Variants in HMCN1 observed in about 807,000 individuals in gnomAD.
HMCN1 encodes hemicentin 1.
In HMCN1, 321 loss-of-function variants were observed where a neutral mutation model predicts 625.9. The ratio of observed to expected loss-of-function variants is 0.51; its 90% CI spans 0.47 to 0.56. The LOEUF (loss-of-function observed/expected upper bound fraction) is 0.56, where lower values mean the gene tolerates loss of function less well. HMCN1 is among the 20% of genes least tolerant of loss of function. The pLI is 0.00. For missense variants in HMCN1, 6,588 were observed against 6,887.3 expected (o/e 0.96, Z 1.54); for synonymous variants, 2,425 against 2,417.6 (o/e 1.00, Z -0.09).
chr1:186,127,843 A>G (rs1190317187), intron 82 of HMCN1, among the ~76,000 whole-genome samples: 1 of 152,174 alleles, frequency 6.6e-6, no homozygotes, highest in Non-Finnish European at 1.5e-5. Flanking sequence ...GTTTTCTGAA[A>G]TCTTACCACT....
chr1:186,174,713 G>T, intron 103 of HMCN1, 71 bp downstream of exon 103: 1 of 1,406,614 alleles, frequency 7.1e-7, no homozygotes, highest in East Asian at 2.3e-5. Flanking sequence ...ACTCGCTTAG[G>T]GCCACTTTCT....
chr1:185,965,981 T>A, intron 14 of HMCN1, 66 bp downstream of exon 14: 1 of 1,029,280 alleles, frequency 9.7e-7, no homozygotes, highest in South Asian at 1.3e-5. Context: ...AAAAAATGAT[T>A]TGTTAAAACT....
At chr1:185,782,134 T>G (rs971852144) in intron 1 of HMCN1, among the ~76,000 whole-genome samples, 15 of 152,340 alleles carry the variant, frequency 9.8e-5, no homozygotes, top group African/African-American at 3.6e-4. Flanking sequence ...CTTTGTTGGT[T>G]TAAAGTCTGT....
chr1:186,172,242 T>C lies in HMCN1; in HGVS notation c.15814+111T>C. Reference sequence around the variant, plus strand: ...GTAAATTTAAGCTAACAAGGAAATCTTTCTTTTTCCATAAGTACTCCCAAC... The same window carrying C: ...GTAAATTTAAGCTAACAAGGAAATCCTTCTTTTTCCATAAGTACTCCCAAC... On this transcript the variant is annotated intron_variant, in intron 102 of 106. Coordinates refer to ENST00000271588, the MANE Select transcript of HMCN1 (RefSeq NM_031935.3). 4.8e-6 allele frequency: 7 copies of C among 1,464,626 alleles called. No individual in the cohort carries two copies. The South Asian group carries it at 6.9e-5, about 14-fold the overall frequency. 90.7% of individuals were successfully genotyped at this position (1,464,626 alleles called of 1,614,324 possible).
intron 80 of HMCN1, among the ~76,000 whole-genome samples, chr1:186,122,726 C>T (rs181660120): frequency 1.4e-3 from 211 of 152,232 alleles, no homozygotes; most frequent in Non-Finnish European, 2.2e-3. Flanking sequence ...CATTTAAAAT[C>T]GACTATCACT....
At chr1:186,058,098 C>G (rs752248392) in intron 46 of HMCN1, among the ~76,000 whole-genome samples, 66 of 151,950 alleles carry the variant, frequency 4.3e-4, no homozygotes, top group Admixed American at 2.8e-3. Flanking sequence ...TCAAACACAC[C>G]TCATGCTGGA....
chr1:186,138,145 G>C (rs567172170), intron 89 of HMCN1, among the ~76,000 whole-genome samples, 173 bp downstream of exon 89: 3 of 152,114 alleles, frequency 2.0e-5, no homozygotes, highest in Admixed American at 6.6e-5. Flanking sequence ...ACTTGTAAAG[G>C]TATGGCATTC....
At chr1:185,938,827 C>T (rs911498758) in intron 11 of HMCN1, among the ~76,000 whole-genome samples, 1 of 152,028 alleles carries the variant, frequency 6.6e-6, no homozygotes, top group African/African-American at 2.4e-5. Flanking sequence ...CCAATGAATT[C>T]CTTTTCTGCT....
At chr1:186,075,231 C>T (rs181989430) in intron 53 of HMCN1, among the ~76,000 whole-genome samples, 23 of 152,140 alleles carry the variant, frequency 1.5e-4, no homozygotes, top group Admixed American at 1.3e-3. Context: ...TAGTACAGTA[C>T]AGAATTCAGA....
chr1:185,972,486 C>T (rs1410513669), intron 15 of HMCN1, among the ~76,000 whole-genome samples: 1 of 152,136 alleles, frequency 6.6e-6, no homozygotes, highest in East Asian at 1.9e-4. Context: ...ATTTTATCTT[C>T]ACTTATACTC....
At chr1:186,088,093 A>T in intron 61 of HMCN1, 52 bp from the exon 62 acceptor site, 1 of 1,607,648 alleles carries the variant, frequency 6.2e-7, no homozygotes, top group Non-Finnish European at 8.5e-7. Flanking sequence ...CTTAATGAGG[A>T]CAAATGATTT....
intron 1 of HMCN1, among the ~76,000 whole-genome samples, chr1:185,813,406 T>C (rs1367634306): frequency 6.6e-6 from 1 of 152,168 alleles, no homozygotes; most frequent in Admixed American, 6.5e-5. Context: ...GTCAGTGTAA[T>C]TTCTATATAA....
chr1:186,076,716 C>G, intron 54 of HMCN1, 94 bp downstream of exon 54: 2 of 1,268,954 alleles, frequency 1.6e-6, no homozygotes, highest in South Asian at 2.4e-5. Flanking sequence ...GGGTCTCTGG[C>G]TAAGTAATTT....
At chr1:185,784,083 C>A (rs1657375352) in intron 1 of HMCN1, among the ~76,000 whole-genome samples, 1 of 152,212 alleles carries the variant, frequency 6.6e-6, no homozygotes, top group African/African-American at 2.4e-5. Flanking sequence ...TCGCTGCCAC[C>A]TTGCAGTTTG....
At chr1:185,821,887 TA>T (rs112180883) in intron 1 of HMCN1, among the ~76,000 whole-genome samples, 3,119 of 126,562 alleles carry the variant, frequency 0.025, 12 homozygotes, top group Middle Eastern at 0.047. Flanking sequence ...TGCTTTGCTT[TA>T]AAAAAAAAAA....
At chr1:185,956,633 T>C (rs1649650209) in intron 11 of HMCN1, among the ~76,000 whole-genome samples, 1 of 152,032 alleles carries the variant, frequency 6.6e-6, no homozygotes, top group Non-Finnish European at 1.5e-5. Context: ...TTTTTTTTGG[T>C]TTTGGTTTTT....
At chr1:185,965,075 G>A (rs1650308526) in intron 13 of HMCN1, among the ~76,000 whole-genome samples, 1 of 152,126 alleles carries the variant, frequency 6.6e-6, no homozygotes, top group South Asian at 2.1e-4. Context: ...ACTTAGCTTT[G>A]TTTAAAAATA....
intron 89 of HMCN1, among the ~76,000 whole-genome samples, chr1:186,140,392 G>T (rs1571408661): frequency 6.6e-6 from 1 of 151,960 alleles, no homozygotes; most frequent in East Asian, 1.9e-4. Context: ...ATTCAATTTG[G>T]ATTTGTCTAA....
intron 10 of HMCN1, among the ~76,000 whole-genome samples, chr1:185,930,852 GTT>G (rs1667507715): frequency 6.6e-6 from 1 of 151,068 alleles, no homozygotes; most frequent in African/African-American, 2.4e-5. Context: ...TTGATACTAA[GTT>G]ATATTAATTA....
Sources: gnomAD v4.1 joint callset for allele counts (sites outside exome capture counted in the v4.1 genomes callset) on GRCh38, gnomAD v4.1.1 for gene constraint, MANE v1.5 for transcripts, NCBI Gene and HGNC (gene_info 2026-07-23, HGNC 2026-07-21) for gene names.